MPV17L: variants seen among roughly 807,000 people sequenced by gnomAD.
MPV17L encodes mpv17-like protein.
In MPV17L, 24 loss-of-function variants were observed where a neutral mutation model predicts 25.8. That is an observed-to-expected ratio of 0.93 (90% CI 0.67 to 1.31). MPV17L has a LOEUF of 1.31. Ranked by LOEUF, MPV17L falls within the 50% of genes most tolerant of loss-of-function variation. The pLI is 0.00. For synonymous variants in MPV17L, 102 were observed against 115.3 expected, an observed-to-expected ratio of 0.88 and a Z score of 0.74; for missense variants, 250 against 265.6, an observed-to-expected ratio of 0.94 and a Z score of 0.41.
Position 15,400,828 on chromosome 16 carries a change from C to G in MPV17L, c.352C>G (p.Leu118Val), listed in dbSNP as rs1241144105. 6.2e-7 allele frequency: 1 copy of G among 1,603,076 alleles called. No homozygotes were observed. The highest frequency in any genetic ancestry group is 1.3e-5 in the African/African-American group (1 of 74,404). Residue 118 changes from leucine to valine, a missense_variant, in exon 2 of 4, where the codon CTG (leucine) becomes GTG (valine). Physicochemically the swap from Leu to Val is conservative, Grantham distance 32. Coordinates refer to ENST00000396385, the MANE Select transcript of MPV17L (RefSeq NM_001128423.2). ...AGGAAAGGATGACATATTTTTGGAC[C>G]TGAAACAGAAATTCTGGAATACCTA... ...LQGKDDIFLD[L>V]KQKFWNTYLS... is the part of the protein sequence containing the mutation.
rs2050700203 is a variant in MPV17L at position 15,408,246 on chromosome 16, A to T, written c.*134A>T. ...ACTACTATTTATAGACCCACTTTTTAAAAAATTATCAATGATTATTTTTGA... is the reference window on the plus strand; with the variant it reads ...ACTACTATTTATAGACCCACTTTTTTAAAAATTATCAATGATTATTTTTGA... On this transcript the variant is annotated 3_prime_UTR_variant, in exon 4 of 4. Coordinates refer to ENST00000396385, the MANE Select transcript of MPV17L (RefSeq NM_001128423.2). 1 of 628,396 alleles carries T rather than the reference A, an allele frequency of 1.6e-6. No individual in the cohort carries two copies. The highest frequency in any genetic ancestry group is 2.7e-6 in the Non-Finnish European group (1 of 374,184). 38.9% of individuals were successfully genotyped at this position (628,396 alleles called of 1,614,324 possible).
chr16:15,400,630 C>T (rs1172541169), intron 1 of MPV17L, among the ~76,000 whole-genome samples, 157 bp from the exon 2 acceptor site: 3 of 152,006 alleles, frequency 2.0e-5, no homozygotes, highest in South Asian at 2.1e-4. Context: ...TGAGCCACGG[C>T]GCCTGTCTAT....
intron 1 of MPV17L, among the ~76,000 whole-genome samples, chr16:15,398,982 G>A (rs933410920): frequency 2.6e-5 from 4 of 152,042 alleles, no homozygotes; most frequent in African/African-American, 7.2e-5. Flanking sequence ...TTTGCGTAAG[G>A]CTTTACATGG....
In MPV17L at chr16:15,411,603, A is replaced by C. The variant is rs1371067927; in HGVS notation, c.*3491A>C. 2 of 152,196 alleles carry C rather than the reference A, an allele frequency of 1.3e-5. No homozygotes were observed. The highest frequency in any genetic ancestry group is 2.1e-4 in the South Asian group (1 of 4,836). 9.4% of individuals were successfully genotyped at this position (152,196 alleles called of 1,614,324 possible). A position where few individuals can be genotyped will look rare whatever the true frequency, so the allele number is the denominator to read the frequency against. On this transcript the variant is annotated 3_prime_UTR_variant, in exon 4 of 4. Coordinates refer to ENST00000396385, the MANE Select transcript of MPV17L (RefSeq NM_001128423.2). Reference sequence around the variant, plus strand: ...AGAAGATGAATAAATAAATGGATGCAACTGAATGAGATGAGGTCTCTCTTG... The same window carrying C: ...AGAAGATGAATAAATAAATGGATGCCACTGAATGAGATGAGGTCTCTCTTG...
At position 15,411,955 on chromosome 16, in the gene MPV17L, C is replaced by T. The variant is rs2050736896; in HGVS notation, c.*3843C>T. 6.6e-6 allele frequency: 1 copy of T among 152,140 alleles called. No individual in the cohort carries two copies. Among genetic ancestry groups the T allele is most frequent in the Admixed American group, 6.5e-5 (1 of 15,268 alleles). 9.4% of individuals were successfully genotyped at this position (152,140 alleles called of 1,614,324 possible). ...CAGAAGAAAATTTCCACTGATCACC[C>T]TTTAGCTTTAAATAATGCAGAAGCA... On this transcript the variant is annotated 3_prime_UTR_variant, in exon 4 of 4. Coordinates refer to ENST00000396385, the MANE Select transcript of MPV17L (RefSeq NM_001128423.2).
rs565936368 is a variant in MPV17L, at chr16:15,408,126, C to T, written c.*14C>T. On this transcript the variant is annotated 3_prime_UTR_variant, in exon 4 of 4. Transcript: ENST00000396385. ...CCGAAGAAATGAGAAGTCAAGGACT[C>T]TCTTAAAGGGACCACATTTTTTACC... 2 of 1,558,066 alleles carry T rather than the reference C, an allele frequency of 1.3e-6. No homozygotes were observed. Among genetic ancestry groups the T allele is most frequent in the South Asian group, 2.3e-5 (2 of 85,200 alleles).
chr16:15,396,034 G>T lies in MPV17L; in HGVS notation c.137G>T (p.Arg46Leu). ...QRLQGREANW[R>L]QTRRVATLVV... ...CTGCAGGGCCGCGAGGCCAACTGGC[G>T]CCAGACGCGGCGCGTGGCCACGTTG... The change falls in exon 1 of 4, where the codon CGC (arginine) becomes CTC (leucine). Residue 46 changes from arginine (R) to leucine (L), a missense_variant. Coordinates refer to ENST00000396385, the MANE Select transcript of MPV17L (RefSeq NM_001128423.2). 2.6e-6 allele frequency: 4 copies of T among 1,532,894 alleles called. No individual in the cohort carries two copies. Among genetic ancestry groups the T allele is most frequent in the Non-Finnish European group, 3.5e-6 (4 of 1,144,742 alleles). 95.0% of individuals were successfully genotyped at this position (1,532,894 alleles called of 1,614,324 possible).
At chr16:15,396,795 C>A (rs781111454) in intron 1 of MPV17L, among the ~76,000 whole-genome samples, 6 of 152,088 alleles carry the variant, frequency 3.9e-5, no homozygotes, top group Non-Finnish European at 1.5e-5. Context: ...TGCCCAGGGG[C>A]CTAGTCCTGG....
Position 15,396,207 on chromosome 16 carries a change from G to A in MPV17L, c.310G>A (p.Gly104Ser). 1.3e-6 allele frequency: 2 copies of A among 1,548,936 alleles called. No individual in the cohort carries two copies. Among genetic ancestry groups the A allele is most frequent in the African/African-American group, 1.4e-5 (1 of 73,230 alleles). ...CATCGCGGTCTCGGCCTTCTATGTC[G>A]GTGAGGGGCCGGGAGGGGACCTGGG... ...APIAVSAFYV[G>S]MSILQGKDDI... Residue 104 changes from glycine to serine, a missense_variant and splice_region_variant, in exon 1 of 4, where the codon GGT (glycine) becomes AGT (serine). Gly to Ser is a moderately conservative substitution (Grantham distance 56). Coordinates refer to ENST00000396385, the MANE Select transcript of MPV17L (RefSeq NM_001128423.2).
Position 15,410,613 on chromosome 16 carries a change from G to C in MPV17L, c.*2501G>C, listed in dbSNP as rs1349435489. On this transcript the variant is annotated 3_prime_UTR_variant, in exon 4 of 4. Coordinates refer to ENST00000396385, the MANE Select transcript of MPV17L (RefSeq NM_001128423.2). ...CCACCAGAGTTCTGTCATCTCCAATGTCATGTTCCACAGATTTCAAGTTGT... is the reference window on the plus strand; with the variant it reads ...CCACCAGAGTTCTGTCATCTCCAATCTCATGTTCCACAGATTTCAAGTTGT... 6.6e-6 allele frequency: 1 copy of C among 152,024 alleles called. No homozygotes were observed. The highest frequency in any genetic ancestry group is 1.5e-5 in the Non-Finnish European group (1 of 67,994). The allele number at this position is 152,024 out of a possible 1,614,324, so 9.4% of individuals were successfully genotyped here.
chr16:15,404,117 T>C (rs1598425617), intron 2 of MPV17L, among the ~76,000 whole-genome samples: 1 of 151,614 alleles, frequency 6.6e-6, no homozygotes, highest in South Asian at 2.1e-4. Flanking sequence ...AATAAAAAAA[T>C]AAAATAAAAT....
chr16:15,401,092 T>A lies in MPV17L; in HGVS notation c.381+235T>A, dbSNP rs1206722876. Among the ~76,000 whole-genome samples, 247 of 104,836 alleles carry A rather than the reference T, an allele frequency of 2.4e-3. 1 individual carries two copies. The highest frequency in any genetic ancestry group is 4.1e-3 in the African/African-American group (114 of 27,906). The allele number at this position is 104,836 out of a possible 152,430, so 68.8% of individuals were successfully genotyped here. ...TATATATATATATATATATATTTTT[T>A]TTTTTTTTTTTTTTTTTTTAATTAA... On this transcript the variant is annotated intron_variant, in intron 2 of 3. Transcript: ENST00000396385.
chr16:15,410,106 T>A lies in MPV17L; in HGVS notation c.*1994T>A, dbSNP rs2050719981. 1 of 152,184 alleles carries A rather than the reference T, an allele frequency of 6.6e-6. No homozygotes were observed. Among genetic ancestry groups the A allele is most frequent in the African/African-American group, 2.4e-5 (1 of 41,446 alleles). 9.4% of individuals were successfully genotyped at this position (152,184 alleles called of 1,614,324 possible). A position where few individuals can be genotyped will look rare whatever the true frequency, so the allele number is the denominator to read the frequency against. ...ATCTAATATTTAATATTTATTCAGT[T>A]CTACACTTTATTAACTTCTACACCA... On this transcript the variant is annotated 3_prime_UTR_variant, in exon 4 of 4. Coordinates refer to ENST00000396385, the MANE Select transcript of MPV17L (RefSeq NM_001128423.2).
intron 1 of MPV17L, chr16:15,399,670 T>G (rs925511199): frequency 5.3e-5 from 12 of 226,490 alleles, no homozygotes; most frequent in Admixed American, 2.2e-4. Flanking sequence ...TTAGGAAGGG[T>G]GAATTGGTGT....
At chr16:15,403,604 C>T (rs998668066) in intron 2 of MPV17L, among the ~76,000 whole-genome samples, 1 of 147,996 alleles carries the variant, frequency 6.8e-6, no homozygotes, top group South Asian at 2.1e-4. Context: ...CCTGGGAGGT[C>T]GAGGCTGCAG....
intron 2 of MPV17L, among the ~76,000 whole-genome samples, chr16:15,407,216 T>C (rs962445489): frequency 6.6e-6 from 1 of 152,186 alleles, no homozygotes; most frequent in African/African-American, 2.4e-5. Context: ...CTTCCAGAAT[T>C]GGTACTGATT....
At chr16:15,404,290 G>A (rs1331592138) in intron 2 of MPV17L, among the ~76,000 whole-genome samples, 2 of 152,130 alleles carry the variant, frequency 1.3e-5, no homozygotes, top group Non-Finnish European at 2.9e-5. Flanking sequence ...GAATGAGTTT[G>A]GATCCTGGAG....
chr16:15,412,577 A>ATTTTT lies in MPV17L; in HGVS notation c.*4477_*4481dup, dbSNP rs932059916. ...AATAGAGAGATTATCTGGAACTGCA[A>ATTTTT]TTTTTTTTTTTTTTTTGAGACAGAG... On this transcript the variant is annotated 3_prime_UTR_variant, in exon 4 of 4. Coordinates refer to ENST00000396385, the MANE Select transcript of MPV17L (RefSeq NM_001128423.2). The ATTTTT allele has an allele frequency of 7.0e-6, 1 of 142,276 alleles. No homozygotes were observed. The highest frequency in any genetic ancestry group is 2.6e-5 in the African/African-American group (1 of 39,000). The allele number at this position is 142,276 out of a possible 1,614,324, so 8.8% of individuals were successfully genotyped here. A position where few individuals can be genotyped will look rare whatever the true frequency, so the allele number is the denominator to read the frequency against.
At chr16:15,397,446 C>A (rs765646856) in intron 1 of MPV17L, among the ~76,000 whole-genome samples, 4 of 152,164 alleles carry the variant, frequency 2.6e-5, no homozygotes, top group Admixed American at 6.5e-5. Context: ...GTAAAACAGG[C>A]TGATCGCTCA....
Sources: allele counts gnomAD v4.1 joint callset (sites outside exome capture counted in the v4.1 genomes callset), GRCh38; gene constraint gnomAD v4.1.1; transcripts MANE v1.5; gene names NCBI Gene and HGNC (gene_info 2026-07-23, HGNC 2026-07-21).